TAX1BP1: variants seen among roughly 807,000 people sequenced by gnomAD.
The protein encoded by TAX1BP1 is Tax1 binding protein 1, also known as tax1-binding protein 1.
TAX1BP1 carries 62 observed loss-of-function variants against 97.7 expected under a neutral mutation model. The ratio of observed to expected loss-of-function variants is 0.63; its 90% CI spans 0.52 to 0.78. TAX1BP1 has a LOEUF of 0.78. Among genes scored for constraint, TAX1BP1 ranks in the 30% least tolerant of loss-of-function variants. The pLI, the probability that TAX1BP1 is intolerant of heterozygous loss-of-function variation, is 0.00. For missense variants in TAX1BP1, 867 were observed against 916.1 expected, an observed-to-expected ratio of 0.95 and a Z score of 0.69; for synonymous variants, 340 against 304.2, an observed-to-expected ratio of 1.12 and a Z score of -1.23.
In TAX1BP1 at chr7:27,829,002, G is replaced by A; in HGVS notation, c.*173G>A. 4.0e-6 allele frequency: 2 copies of A among 498,664 alleles called. No homozygotes were observed. Among genetic ancestry groups the A allele is most frequent in the Non-Finnish European group, 6.9e-6 (2 of 288,710 alleles). The allele number at this position is 498,664 out of a possible 1,614,324, so 30.9% of individuals were successfully genotyped here. A position where few individuals can be genotyped will look rare whatever the true frequency, so the allele number is the denominator to read the frequency against. ...GTTACTAGGATCAGGGTCAGTCTTT[G>A]GCTTATCAATAAATTTTAATCTCTG... On this transcript the variant is annotated 3_prime_UTR_variant, in exon 17 of 17. Coordinates refer to ENST00000396319, the MANE Select transcript of TAX1BP1 (RefSeq NM_006024.7).
At chr7:27,804,104 A>G (rs946960541) in intron 13 of TAX1BP1, among the ~76,000 whole-genome samples, 2 of 152,222 alleles carry the variant, frequency 1.3e-5, no homozygotes, top group Non-Finnish European at 2.9e-5. Context: ...ATGCTTTCCA[A>G]TGTTTACAAA....
In TAX1BP1 at chr7:27,820,509, T is replaced by TA. The variant is rs1199358737; in HGVS notation, c.2085+3472dup. On this transcript the variant is annotated intron_variant, in intron 15 of 16. Transcript: ENST00000396319. ...ACTTGCCATTTTTCATATATTATCT[T>TA]ACGTTTTAAATTTAATTTTAATGTG... Among the ~76,000 whole-genome samples the TA allele has an allele frequency of 2.0e-5, 3 of 152,206 alleles. No individual in the cohort carries two copies. In the East Asian group the frequency reaches 5.8e-4, roughly 29 times the overall value.
intron 13 of TAX1BP1, among the ~76,000 whole-genome samples, chr7:27,803,590 G>C (rs753584795): frequency 6.6e-6 from 1 of 152,112 alleles, no homozygotes; most frequent in Non-Finnish European, 1.5e-5. Flanking sequence ...AAGCAGTGTG[G>C]AAAACTGCTT....
intron 2 of TAX1BP1, among the ~76,000 whole-genome samples, chr7:27,754,335 T>C (rs1328450698): frequency 1.3e-5 from 2 of 150,534 alleles, no homozygotes; most frequent in African/African-American, 4.9e-5. Context: ...CCACTCATTT[T>C]CTGTTTTTAA....
intron 4 of TAX1BP1, among the ~76,000 whole-genome samples, chr7:27,769,192 G>A (rs917018342): frequency 1.3e-5 from 2 of 151,718 alleles, no homozygotes; most frequent in Non-Finnish European, 3.0e-5. Flanking sequence ...ACATTTCTTG[G>A]TGTCTTAAGG....
chr7:27,739,626 T>A (rs141551414), upstream of TAX1BP1: 1 of 152,244 alleles, frequency 6.6e-6, no homozygotes, highest in East Asian at 1.9e-4. Context: ...GCATTAGAAC[T>A]GAAAAGCTCC....
chr7:27,802,026 G>C (rs1190871584), intron 13 of TAX1BP1, among the ~76,000 whole-genome samples: 1 of 152,212 alleles, frequency 6.6e-6, no homozygotes, highest in Non-Finnish European at 1.5e-5. Flanking sequence ...ATTCTAAGTA[G>C]ATGGAAGAGC....
chr7:27,748,774 ACT>A (rs2128307337), intron 2 of TAX1BP1, 88 bp downstream of exon 2: 3 of 1,033,066 alleles, frequency 2.9e-6, no homozygotes, highest in South Asian at 6.7e-5. Context: ...ACTTGCCTTA[ACT>A]CTGCATTAAG....
chr7:27,748,593 C>T lies in TAX1BP1; in HGVS notation c.69C>T (p.Ala23=), dbSNP rs1226185854. The change falls in exon 2 of 17, where the codon GCC becomes GCT. Residue 23 remains alanine (A), a synonymous_variant. Coordinates refer to ENST00000396319, the MANE Select transcript of TAX1BP1 (RefSeq NM_006024.7). The stretch of plus-strand genomic sequence containing the variant: ...CCCATGTCATCTTTCAAAATGTGGC[C>T]AAGAGTTACCTTCCTAATGCACACC... ...NFAHVIFQNV[A]KSYLPNAHLE... 6.2e-7 allele frequency: 1 copy of T among 1,605,970 alleles called. No individual in the cohort carries two copies. Among genetic ancestry groups the T allele is most frequent in the Non-Finnish European group, 8.5e-7 (1 of 1,175,546 alleles).
intron 1 of TAX1BP1, among the ~76,000 whole-genome samples, chr7:27,745,249 A>G (rs777725755): frequency 6.6e-6 from 1 of 152,154 alleles, no homozygotes; most frequent in Non-Finnish European, 1.5e-5. Context: ...TAGTGAAGCT[A>G]CACTTCCCAG....
chr7:27,777,544 C>G (rs983305827), intron 5 of TAX1BP1, among the ~76,000 whole-genome samples: 1 of 152,204 alleles, frequency 6.6e-6, no homozygotes, highest in South Asian at 2.1e-4. Context: ...TTGGGTGATT[C>G]TTTCTCCAGC....
At chr7:27,813,321 C>G (rs1358508951) in intron 13 of TAX1BP1, among the ~76,000 whole-genome samples, 1 of 150,982 alleles carries the variant, frequency 6.6e-6, no homozygotes, top group African/African-American at 2.4e-5. Flanking sequence ...CTGTACCTGG[C>G]TAAATTTTTT....
At chr7:27,826,282 C>T (rs924207735) in intron 15 of TAX1BP1, among the ~76,000 whole-genome samples, 3 of 152,194 alleles carry the variant, frequency 2.0e-5, no homozygotes, top group Non-Finnish European at 4.4e-5. Flanking sequence ...TTTCCTTTTG[C>T]TCAGTTATAT....
At chr7:27,759,613 G>A (rs1788349624) in intron 3 of TAX1BP1, among the ~76,000 whole-genome samples, 2 of 151,752 alleles carry the variant, frequency 1.3e-5, no homozygotes, top group Admixed American at 1.3e-4. Flanking sequence ...AAAATTCTAG[G>A]ACTTTATTGC....
chr7:27,741,145 A>C (rs1787581264), intron 1 of TAX1BP1, among the ~76,000 whole-genome samples: 3 of 152,212 alleles, frequency 2.0e-5, no homozygotes, highest in African/African-American at 7.2e-5. Context: ...CTATTATGTT[A>C]GGCTTTAGAT....
intron 5 of TAX1BP1, among the ~76,000 whole-genome samples, chr7:27,782,476 C>T (rs1789299676): frequency 6.6e-6 from 1 of 152,030 alleles, no homozygotes; most frequent in African/African-American, 2.4e-5. Context: ...TCTTGAACTA[C>T]TGACCTCAGG....
At chr7:27,749,692 T>C (rs747854587) in intron 2 of TAX1BP1, among the ~76,000 whole-genome samples, 13 of 152,242 alleles carry the variant, frequency 8.5e-5, no homozygotes, top group Non-Finnish European at 1.6e-4. Flanking sequence ...ACAATAGTTA[T>C]TTACTGTTTA....
At chr7:27,803,098 T>A (rs1320895669) in intron 13 of TAX1BP1, 27 of 1,539,908 alleles carry the variant, frequency 1.8e-5, no homozygotes, top group Non-Finnish European at 2.3e-5. Flanking sequence ...GAAATTTCTT[T>A]CTTTATTCAG....
At chr7:27,767,739 T>C (rs1019347159) in intron 4 of TAX1BP1, among the ~76,000 whole-genome samples, 1 of 152,104 alleles carries the variant, frequency 6.6e-6, no homozygotes, top group Non-Finnish European at 1.5e-5. Flanking sequence ...ACATTTATCT[T>C]GTACTTTTTC....
Sources: allele counts gnomAD v4.1 joint callset (sites outside exome capture counted in the v4.1 genomes callset), GRCh38; gene constraint gnomAD v4.1.1; transcripts MANE v1.5; gene names NCBI Gene and HGNC (gene_info 2026-07-23, HGNC 2026-07-21).